The following PCDHGA12 variants were observed in gnomAD, a reference collection of about 807,000 sequenced individuals.
PCDHGA12 encodes the protein protocadherin gamma-A12.
Under a neutral mutation model 61.1 loss-of-function variants are expected in PCDHGA12, and 43 were observed. The ratio of observed to expected loss-of-function variants is 0.70; its 90% CI spans 0.55 to 0.91. The LOEUF is 0.91. Ranked by LOEUF, PCDHGA12 falls within the 40% of genes least tolerant of loss-of-function variation. PCDHGA12 has a pLI of 0.00. For synonymous variants in PCDHGA12, 520 were observed against 542.9 expected (o/e 0.96, Z 0.59); for missense variants, 1,236 against 1,227.7 (o/e 1.01, Z -0.10).
chr5:141,476,157 G>A lies in PCDHGA12; in HGVS notation c.2425-18650G>A. On this transcript the variant is annotated intron_variant, in intron 1 of 3. Transcript: ENST00000252085. The surrounding 1 kb of genome is among the most constrained non-coding windows in gnomAD (Gnocchi z 7.6). ...TGGAGGAGCGGACTGGTAAGCACCG[G>A]GAGGGTAGTGGGAGTTTTGCTTCTG... 1 of 1,612,752 alleles carries A rather than the reference G, an allele frequency of 6.2e-7. No homozygotes were observed. Among genetic ancestry groups the A allele is most frequent in the Non-Finnish European group, 8.5e-7 (1 of 1,179,898 alleles).
rs1446853595 is a variant in PCDHGA12 at position 141,491,363 on chromosome 5, C to A, written c.2425-3444C>A. The A allele has an allele frequency of 1.2e-6, 2 of 1,614,182 alleles. No homozygotes were observed. Among genetic ancestry groups the A allele is most frequent in the South Asian group, 2.2e-5 (2 of 91,082 alleles). On this transcript the variant is annotated intron_variant, in intron 1 of 3. Coordinates refer to ENST00000252085, the MANE Select transcript of PCDHGA12 (RefSeq NM_003735.3). The surrounding 1 kb of genome is among the most constrained non-coding windows in gnomAD (Gnocchi z 6.9). ...ACCGTCAGTCTCTTATCCCTAGTCA[C>A]CTTCACCTTTCTGTCAGCGAAGTGC...
At chr5:141,468,931 G>A (rs1321821773) in intron 1 of PCDHGA12, among the ~76,000 whole-genome samples, 2 of 148,600 alleles carry the variant, frequency 1.3e-5, no homozygotes, top group Non-Finnish European at 3.0e-5. Flanking sequence ...GCACTAAAAT[G>A]GGAGATGGGG....
chr5:141,447,136 T>TTTTTTG (rs1304915683), intron 1 of PCDHGA12, among the ~76,000 whole-genome samples: 1 of 152,090 alleles, frequency 6.6e-6, no homozygotes, highest in Non-Finnish European at 1.5e-5. Context: ...TGTTTGTTTG[T>TTTTTTG]TTTTTGTTTT....
chr5:141,454,493 A>G (rs1328573277), intron 1 of PCDHGA12, among the ~76,000 whole-genome samples: 1 of 151,866 alleles, frequency 6.6e-6, no homozygotes, highest in Non-Finnish European at 1.5e-5. Context: ...CGCAACCTCC[A>G]CCTCCTGGAT....
At chr5:141,463,075 A>G (rs943294678) in intron 1 of PCDHGA12, among the ~76,000 whole-genome samples, 3 of 152,180 alleles carry the variant, frequency 2.0e-5, no homozygotes, top group East Asian at 1.9e-4. Context: ...ATGAAATTCA[A>G]ACATTTTCCA....
In PCDHGA12 at chr5:141,511,829, G is replaced by A. The variant is rs1181369164; in HGVS notation, c.*656G>A. 1 of 156,774 alleles carries A rather than the reference G, an allele frequency of 6.4e-6. No individual in the cohort carries two copies. Among genetic ancestry groups the A allele is most frequent in the Non-Finnish European group, 1.4e-5 (1 of 70,652 alleles). The allele number at this position is 156,774 out of a possible 1,614,324, so 9.7% of individuals were successfully genotyped here. Reference sequence around the variant, plus strand: ...TACCAAGCCTCTTCCCAACGCCCTGGGGACCAGTCTTCTGTTTTGTTTTTC... The same window carrying A: ...TACCAAGCCTCTTCCCAACGCCCTGAGGACCAGTCTTCTGTTTTGTTTTTC... On this transcript the variant is annotated 3_prime_UTR_variant, in exon 4 of 4. Transcript: ENST00000252085.
At chr5:141,478,236 T>C (rs2099440813) in intron 1 of PCDHGA12, 3 of 1,614,156 alleles carry the variant, frequency 1.9e-6, no homozygotes, top group Non-Finnish European at 2.5e-6. Flanking sequence ...GGGTTTGTGG[T>C]CACAGTGTTC....
intron 1 of PCDHGA12, among the ~76,000 whole-genome samples, chr5:141,449,240 G>A (rs535847654): frequency 6.6e-6 from 1 of 152,186 alleles, no homozygotes; most frequent in Non-Finnish European, 1.5e-5. Context: ...ATTTTCAAAG[G>A]AGTTGCAAGA....
In PCDHGA12 at chr5:141,491,835, G is replaced by C; in HGVS notation, c.2425-2972G>C. On this transcript the variant is annotated intron_variant, in intron 1 of 3. Coordinates refer to ENST00000252085, the MANE Select transcript of PCDHGA12 (RefSeq NM_003735.3). The surrounding 1 kb of genome is among the most constrained non-coding windows in gnomAD (Gnocchi z 6.9). The stretch of plus-strand genomic sequence containing the variant: ...GCTGGCTGCGCTCCACCCGATTCTC[G>C]GGATCATTGGACCGTTTGCGCGAAA... 1 of 1,473,258 alleles carries C rather than the reference G, an allele frequency of 6.8e-7. No individual in the cohort carries two copies. The highest frequency in any genetic ancestry group is 9.0e-7 in the Non-Finnish European group (1 of 1,112,098). The allele number at this position is 1,473,258 out of a possible 1,614,324, so 91.3% of individuals were successfully genotyped here.
In PCDHGA12 at chr5:141,432,785, G is replaced by A. The variant is rs1356593437; in HGVS notation, c.2026G>A (p.Gly676Ser). 2.5e-6 allele frequency: 4 copies of A among 1,613,992 alleles called. No individual in the cohort carries two copies. The African/African-American group carries it at 4.0e-5, about 16-fold the overall frequency. Residue 676 changes from glycine to serine, a missense_variant, in exon 1 of 4, where the codon GGC (glycine) becomes AGC (serine). Gly to Ser is a moderately conservative substitution (Grantham distance 56, BLOSUM62 0). Transcript: ENST00000252085. The surrounding 1 kb of genome is among the most constrained non-coding windows in gnomAD (Gnocchi z 6.0). ...CATCCCCCAAGTCCTGGCGGACCTC[G>A]GCAGCCTCGAGTCTCCAGCTAACTC... ...DSIPQVLADL[G>S]SLESPANSET...
In PCDHGA12 at chr5:141,490,347, G is replaced by T; in HGVS notation, c.2425-4460G>T. On this transcript the variant is annotated intron_variant, in intron 1 of 3. Coordinates refer to ENST00000252085, the MANE Select transcript of PCDHGA12 (RefSeq NM_003735.3). This position sits in a 1 kb window ranked among gnomAD's most constrained non-coding sequence, Gnocchi z 5.4. ...AGAGCACACCAGTGGGCACAGTAGT[G>T]GGGTTGTTTAATGTGCGAGACCGGG... 1 of 1,614,180 alleles carries T rather than the reference G, an allele frequency of 6.2e-7. No homozygotes were observed.
chr5:141,502,487 C>A (rs563658817), intron 2 of PCDHGA12, among the ~76,000 whole-genome samples: 1 of 152,182 alleles, frequency 6.6e-6, no homozygotes, highest in Non-Finnish European at 1.5e-5. Context: ...CACACTGGGA[C>A]TCATCTAACG....
intron 1 of PCDHGA12, among the ~76,000 whole-genome samples, chr5:141,472,147 G>T (rs2099272889): frequency 6.6e-6 from 1 of 152,112 alleles, no homozygotes; most frequent in South Asian, 2.1e-4. Flanking sequence ...AAAGTTTCAT[G>T]GTTACATAGC....
intron 1 of PCDHGA12, chr5:141,492,006 G>T (rs2099736069): frequency 7.8e-6 from 5 of 643,420 alleles, no homozygotes; most frequent in Non-Finnish European, 1.3e-5. Context: ...GGCGATTTCC[G>T]CGGGTGTCGG....
chr5:141,473,349 T>G (rs2099319716), intron 1 of PCDHGA12, among the ~76,000 whole-genome samples: 1 of 152,232 alleles, frequency 6.6e-6, no homozygotes, highest in Non-Finnish European at 1.5e-5. Context: ...ACAGTGAGGA[T>G]GCAAGTGGCC....
chr5:141,432,428 G>C lies in PCDHGA12; in HGVS notation c.1669G>C (p.Asp557His). 6.2e-7 allele frequency: 1 copy of C among 1,614,232 alleles called. No homozygotes were observed. Residue 557 changes from aspartate (D) to histidine (H), a missense_variant, in exon 1 of 4, where the codon GAC (aspartate) becomes CAC (histidine). Coordinates refer to ENST00000252085, the MANE Select transcript of PCDHGA12 (RefSeq NM_003735.3). The surrounding 1 kb of genome is among the most constrained non-coding windows in gnomAD (Gnocchi z 6.0). ...GAGCCTGTTCGTGCTGGACCAGAAC[G>C]ACAATGCGCCCGAGATCCTGTACCC... ...SLSLFVLDQN[D>H]NAPEILYPAL... is the part of the protein sequence containing the mutation.
At position 141,486,602 on chromosome 5, in the gene PCDHGA12, C is replaced by T; in HGVS notation, c.2425-8205C>T. The stretch of plus-strand genomic sequence containing the variant: ...TCGCCCAGGGGACCTGCTTTGCTCC[C>T]TTGCAGCCTCTGACCCAGACTCTGG... On this transcript the variant is annotated intron_variant, in intron 1 of 3. Transcript: ENST00000252085. The surrounding 1 kb of genome is among the most constrained non-coding windows in gnomAD (Gnocchi z 5.0). 6.2e-7 allele frequency: 1 copy of T among 1,613,572 alleles called. No homozygotes were observed. Among genetic ancestry groups the T allele is most frequent in the Non-Finnish European group, 8.5e-7 (1 of 1,180,026 alleles).
At chr5:141,483,084 CA>C (rs898059463) in intron 1 of PCDHGA12, among the ~76,000 whole-genome samples, 4 of 150,440 alleles carry the variant, frequency 2.7e-5, no homozygotes, top group Middle Eastern at 3.4e-3. Flanking sequence ...GACTCCATCT[CA>C]AAAAAAAAGT....
chr5:141,489,178 C>T lies in PCDHGA12; in HGVS notation c.2425-5629C>T, dbSNP rs909255357. ...GAGACTTCAGCTGCTGCATTCCAAG[C>T]CCTGGGTCTACCTTGGAGACAGGAC... On this transcript the variant is annotated intron_variant, in intron 1 of 3. Transcript: ENST00000252085. This position sits in a 1 kb window ranked among gnomAD's most constrained non-coding sequence, Gnocchi z 4.5. 54 of 1,234,872 alleles carry T rather than the reference C, an allele frequency of 4.4e-5. 1 individual carries two copies. In the East Asian group the frequency reaches 1.2e-3, roughly 29 times the overall value. 76.5% of individuals were successfully genotyped at this position (1,234,872 alleles called of 1,614,324 possible). A position where few individuals can be genotyped will look rare whatever the true frequency, so the allele number is the denominator to read the frequency against.
Sources: allele counts gnomAD v4.1 joint callset (sites outside exome capture counted in the v4.1 genomes callset), GRCh38; gene constraint gnomAD v4.1.1; non-coding constraint Gnocchi (gnomAD v3.1); transcripts MANE v1.5; gene names NCBI Gene and HGNC (gene_info 2026-07-23, HGNC 2026-07-21).